NCAPD3: variants seen among roughly 807,000 people sequenced by gnomAD.
NCAPD3 encodes condensin-2 complex subunit D3.
A neutral mutation model predicts 182.9 loss-of-function variants in NCAPD3; 105 were observed. The ratio of observed to expected loss-of-function variants is 0.57; its 90% CI spans 0.49 to 0.68. The LOEUF is 0.68. NCAPD3 is among the 30% of genes least tolerant of loss of function. NCAPD3 has a pLI of 0.00. For synonymous variants in NCAPD3, 815 were observed against 679.9 expected, an observed-to-expected ratio of 1.20 and a Z score of -3.09; for missense variants, 1,944 against 1,837.0, an observed-to-expected ratio of 1.06 and a Z score of -1.07.
intron 28 of NCAPD3, among the ~76,000 whole-genome samples, chr11:134,160,924 T>C (rs900517868): frequency 6.6e-6 from 1 of 151,628 alleles, no homozygotes; most frequent in Non-Finnish European, 1.5e-5. Flanking sequence ...AAGTAGTCTA[T>C]GTAGGATCAA....
At chr11:134,183,337 A>G (rs1466534933) in intron 19 of NCAPD3, among the ~76,000 whole-genome samples, 1 of 152,132 alleles carries the variant, frequency 6.6e-6, no homozygotes, top group African/African-American at 2.4e-5. Flanking sequence ...GGGAGGCTGA[A>G]GCAGGCGATC....
chr11:134,154,056 T>G (rs1943345428), intron 32 of NCAPD3: 1 of 153,526 alleles, frequency 6.5e-6, no homozygotes, highest in Non-Finnish European at 1.4e-5. Context: ...TCTCACCAGC[T>G]GTGTGAGCTG....
intron 16 of NCAPD3, among the ~76,000 whole-genome samples, chr11:134,191,939 C>T (rs144274900): frequency 8.5e-5 from 13 of 152,300 alleles, no homozygotes; most frequent in African/African-American, 3.1e-4. Flanking sequence ...CTCACTGTGA[C>T]CCGTCTCATG....
At chr11:134,180,937 C>T in intron 20 of NCAPD3, 140 bp downstream of exon 20, 3 of 608,052 alleles carry the variant, frequency 4.9e-6, no homozygotes, top group Non-Finnish European at 8.6e-6. Context: ...AAAATATCTT[C>T]TAAAAAGAGA....
intron 20 of NCAPD3, 36 bp from the exon 21 acceptor site, chr11:134,178,972 C>T (rs754314334): frequency 2.1e-6 from 3 of 1,458,018 alleles, no homozygotes; most frequent in South Asian, 2.3e-5. Context: ...AAAAATAAGG[C>T]AAAAGAAAAG....
At chr11:134,168,706 A>G in intron 25 of NCAPD3, 104 bp from the exon 26 acceptor site, 2 of 1,484,730 alleles carry the variant, frequency 1.3e-6, no homozygotes, top group Non-Finnish European at 1.8e-6. Context: ...CAAAGACTCC[A>G]GTGCACTACA....
At chr11:134,211,829 G>T (rs1440297523) in intron 3 of NCAPD3, among the ~76,000 whole-genome samples, 11 of 152,118 alleles carry the variant, frequency 7.2e-5, no homozygotes, top group Non-Finnish European at 1.5e-4. Flanking sequence ...CAGGAGCGTA[G>T]AAACCAAAAA....
At chr11:134,188,651 C>G (rs1944462254) in intron 16 of NCAPD3, among the ~76,000 whole-genome samples, 1 of 152,064 alleles carries the variant, frequency 6.6e-6, no homozygotes. Flanking sequence ...GGTCTGCGGC[C>G]TCACTCCTGA....
rs1565552136 is a variant in NCAPD3, at chr11:134,204,783, G to T, written c.1089+116C>A. On this transcript the variant is annotated intron_variant, in intron 9 of 34. Coordinates refer to ENST00000534548, the MANE Select transcript of NCAPD3 (RefSeq NM_015261.3). The surrounding 1 kb of genome is among the most constrained non-coding windows in gnomAD (Gnocchi z 4.3). ...TGAACATTAAATAAAACCACTTTAA[G>T]TAACAATGCACACTCATTCCCAAGA... 7 of 765,300 alleles carry T rather than the reference G, an allele frequency of 9.1e-6. No homozygotes were observed. The highest frequency in any genetic ancestry group is 1.2e-5 in the Non-Finnish European group (6 of 488,412). 47.4% of individuals were successfully genotyped at this position (765,300 alleles called of 1,614,324 possible).
intron 20 of NCAPD3, among the ~76,000 whole-genome samples, chr11:134,179,996 G>C (rs936175897): frequency 6.6e-6 from 1 of 151,648 alleles, no homozygotes; most frequent in African/African-American, 2.4e-5. Flanking sequence ...CTGAAGAGTA[G>C]ATTTTGATGA....
intron 22 of NCAPD3, 188 bp downstream of exon 22, chr11:134,178,446 C>A (rs552652222): frequency 1.2e-5 from 5 of 422,278 alleles, no homozygotes; most frequent in Admixed American, 7.9e-5. Context: ...AGCCTGAGGG[C>A]TCTCATGACC....
In NCAPD3 at chr11:134,153,172, A is replaced by C; in HGVS notation, c.4356T>G (p.Asn1452Lys). 6.2e-7 allele frequency: 1 copy of C among 1,614,170 alleles called. No homozygotes were observed. Among genetic ancestry groups the C allele is most frequent in the Non-Finnish European group, 8.5e-7 (1 of 1,180,020 alleles). Residue 1452 changes from asparagine to lysine, a missense_variant, in exon 34 of 35, where the codon AAT becomes AAG. By Grantham distance (94) the Asn-to-Lys change is moderately conservative. Transcript: ENST00000534548. ...KEKIEGRSQG[N>K]DILCLSLPDK... is the part of the protein sequence containing the mutation. The stretch of plus-strand genomic sequence containing the variant: ...CAGGCAGTGATAAACATAAGATGTC[A>C]TTTCCTTGACTCCGGCCTTCAATTT...
At chr11:134,185,093 A>C (rs757355813) in intron 17 of NCAPD3, 93 bp from the exon 18 acceptor site, 108 of 1,094,602 alleles carry the variant, frequency 9.9e-5, no homozygotes, top group Admixed American at 1.2e-4. Flanking sequence ...CACTGGAGGA[A>C]GCAGGGTAGG....
At chr11:134,200,485 C>T (rs1591852921) in intron 13 of NCAPD3, among the ~76,000 whole-genome samples, 1 of 152,154 alleles carries the variant, frequency 6.6e-6, no homozygotes, top group African/African-American at 2.4e-5. Flanking sequence ...ATTTACTCAA[C>T]ATCATTAGCC....
intron 24 of NCAPD3, chr11:134,173,095 G>C (rs1440188516): frequency 3.2e-5 from 5 of 154,040 alleles, no homozygotes; most frequent in Non-Finnish European, 2.9e-5. Context: ...AGGGCTGCAG[G>C]AATGAGTGGG....
chr11:134,204,180 C>A lies in NCAPD3; in HGVS notation c.1090-9G>T. 6.2e-7 allele frequency: 1 copy of A among 1,608,958 alleles called. No individual in the cohort carries two copies. The stretch of plus-strand genomic sequence containing the variant: ...TCTGATTTATCTACCACCTGAAAAG[C>A]AAAAAGAGAAGTTGACCAACCAATA... On this transcript the variant is annotated splice_polypyrimidine_tract_variant and intron_variant, in intron 9 of 34. Coordinates refer to ENST00000534548, the MANE Select transcript of NCAPD3 (RefSeq NM_015261.3). The surrounding 1 kb of genome is among the most constrained non-coding windows in gnomAD (Gnocchi z 4.3).
Position 134,223,551 on chromosome 11 carries a change from T to C in NCAPD3, c.64+312A>G, listed in dbSNP as rs1366877122. 4.3e-6 allele frequency: 3 copies of C among 695,850 alleles called. No homozygotes were observed. The East Asian group carries it at 8.1e-5, about 19-fold the overall frequency. The allele number at this position is 695,850 out of a possible 1,614,324, so 43.1% of individuals were successfully genotyped here. On this transcript the variant is annotated intron_variant, in intron 1 of 34. Transcript: ENST00000534548. ...GATTTGCAATTTAAAACCATCTTAA[T>C]AGGTAAGAATAGATAGGTGCACGAA...
intron 1 of NCAPD3, chr11:134,223,154 G>T: frequency 2.1e-6 from 1 of 480,732 alleles, no homozygotes; most frequent in Non-Finnish European, 3.8e-6. Context: ...AACATTAAAG[G>T]TGTACAGGCT....
chr11:134,168,781 C>G, intron 25 of NCAPD3, 136 bp downstream of exon 25: 1 of 1,381,916 alleles, frequency 7.2e-7, no homozygotes, highest in Non-Finnish European at 9.8e-7. Context: ...TATTTTCTTA[C>G]GCCATCCTGC....
Sources: gnomAD v4.1 joint callset for allele counts (sites outside exome capture counted in the v4.1 genomes callset) on GRCh38, gnomAD v4.1.1 for gene constraint, Gnocchi (gnomAD v3.1) non-coding constraint, MANE v1.5 for transcripts, NCBI Gene and HGNC (gene_info 2026-07-23, HGNC 2026-07-21) for gene names.